FRZB: variants seen among roughly 807,000 people sequenced by gnomAD.
FRZB encodes the protein secreted frizzled-related protein 3.
In FRZB, 34 loss-of-function variants were observed where a neutral mutation model predicts 32.5. The ratio of observed to expected loss-of-function variants is 1.05; its 90% CI spans 0.80 to 1.39. FRZB has a LOEUF of 1.39. Ranked by LOEUF, FRZB falls within the 40% of genes most tolerant of loss-of-function variation. The pLI, the probability that FRZB is intolerant of heterozygous loss-of-function variation, is 0.00. For synonymous variants in FRZB, 170 were observed against 159.2 expected (o/e 1.07, Z -0.51); for missense variants, 423 against 424.8 (o/e 1.00, Z 0.04).
Position 182,858,850 on chromosome 2 carries a change from GA to G in FRZB, c.479-18del. Reference sequence around the variant, plus strand: ...TAGGAAAATCTGAAAGGAGGTGACAGAAAAAAGAACTATAACATATCTATTT... The same window carrying G: ...TAGGAAAATCTGAAAGGAGGTGACAGAAAAAGAACTATAACATATCTATTT... On this transcript the variant is annotated intron_variant, in intron 1 of 5. Transcript: ENST00000295113. The G allele has an allele frequency of 1.3e-6, 2 of 1,598,632 alleles. No homozygotes were observed. Among genetic ancestry groups the G allele is most frequent in the South Asian group, 1.1e-5 (1 of 90,658 alleles).
intron 1 of FRZB, among the ~76,000 whole-genome samples, chr2:182,860,012 A>T (rs965463606): frequency 6.6e-6 from 1 of 152,226 alleles, no homozygotes; most frequent in African/African-American, 2.4e-5. Context: ...ATACAAAAAT[A>T]ATGTCTTCAT....
chr2:182,852,093 G>A (rs1695716554), intron 2 of FRZB, among the ~76,000 whole-genome samples: 1 of 152,180 alleles, frequency 6.6e-6, no homozygotes, highest in Non-Finnish European at 1.5e-5. Context: ...AATAAGGTGT[G>A]GAAGTTGGCT....
intron 1 of FRZB, among the ~76,000 whole-genome samples, chr2:182,861,316 A>C (rs12476897): frequency 0.5 from 76,484 of 152,018 alleles, 19,747 homozygotes; most frequent in Non-Finnish European, 0.56. Flanking sequence ...CTTGGACAGT[A>C]ACTTAGCTTC....
chr2:182,866,119 C>A lies in FRZB; in HGVS notation c.434G>T (p.Gly145Val). 1 of 1,614,064 alleles carries A rather than the reference C, an allele frequency of 6.2e-7. No homozygotes were observed. The highest frequency in any genetic ancestry group is 8.5e-7 in the Non-Finnish European group (1 of 1,179,992). The change falls in exon 1 of 6, where the codon GGC becomes GTC. Residue 145 changes from glycine (G) to valine (V), a missense_variant. By Grantham distance (109) the Gly-to-Val change is moderately radical (BLOSUM62 -3). Coordinates refer to ENST00000295113, the MANE Select transcript of FRZB (RefSeq NM_001463.4). This position sits in a 1 kb window ranked among gnomAD's most constrained non-coding sequence, Gnocchi z 4.5. Reference protein sequence around the residue: ...ACEELPVYDRGVCISPEAIVT... With the variant: ...ACEELPVYDRVVCISPEAIVT... The stretch of plus-strand genomic sequence containing the variant: ...GATGGCCTCGGGAGAGATGCACACG[C>A]CCCTGTCGTACACTGGCAGCTCCTC...
At chr2:182,841,399 A>C (rs1282818096) in intron 3 of FRZB, among the ~76,000 whole-genome samples, 1 of 152,176 alleles carries the variant, frequency 6.6e-6, no homozygotes, top group Non-Finnish European at 1.5e-5. Context: ...TATAGAAGAA[A>C]TAAATCTGCT....
intron 3 of FRZB, among the ~76,000 whole-genome samples, chr2:182,842,124 G>A (rs1574983232): frequency 1.3e-5 from 2 of 152,170 alleles, no homozygotes; most frequent in South Asian, 4.1e-4. Context: ...TTCACTCAGT[G>A]AAGCACAACT....
chr2:182,836,401 G>A (rs1043157629), intron 5 of FRZB, among the ~76,000 whole-genome samples: 1 of 151,988 alleles, frequency 6.6e-6, no homozygotes, highest in Admixed American at 6.6e-5. Flanking sequence ...CTCAATATCT[G>A]CATATGAATT....
chr2:182,835,447 T>TG (rs140578593), intron 5 of FRZB, among the ~76,000 whole-genome samples: 10,109 of 151,706 alleles, frequency 0.067, 497 homozygotes, highest in African/African-American at 0.14. Context: ...TTTTGAGGGA[T>TG]GGGGGGGTCT....
At chr2:182,859,205 G>A (rs542817030) in intron 1 of FRZB, among the ~76,000 whole-genome samples, 32 of 151,266 alleles carry the variant, frequency 2.1e-4, no homozygotes, top group South Asian at 1.0e-3. Context: ...AAAACCAAAC[G>A]CATCTTCAAT....
chr2:182,858,797 C>T lies in FRZB; in HGVS notation c.515G>A (p.Gly172Glu), dbSNP rs1482129040. 3 of 1,610,498 alleles carry T rather than the reference C, an allele frequency of 1.9e-6. No homozygotes were observed. The highest frequency in any genetic ancestry group is 2.5e-6 in the Non-Finnish European group (3 of 1,177,700). The stretch of plus-strand genomic sequence containing the variant: ...AATGATATACTCACCACTGCTTGCC[C>T]CTCTACAGTTTCCGTTACTAGAATC... ...PMDSSNGNCR[G>E]ASSERCKCKP... is the part of the protein sequence containing the mutation. The change falls in exon 2 of 6, where the codon GGG (glycine) becomes GAG (glutamate). Residue 172 changes from glycine (G) to glutamate (E), a missense_variant. Transcript: ENST00000295113.
chr2:182,850,882 C>A (rs560151780), intron 2 of FRZB, among the ~76,000 whole-genome samples: 1 of 152,132 alleles, frequency 6.6e-6, no homozygotes, highest in Non-Finnish European at 1.5e-5. Flanking sequence ...TCCTCGCTAC[C>A]GTCTATTGTT....
chr2:182,855,746 C>T (rs1695761157), intron 2 of FRZB, among the ~76,000 whole-genome samples: 1 of 152,090 alleles, frequency 6.6e-6, no homozygotes, highest in African/African-American at 2.4e-5. Flanking sequence ...TTCCTAAGCA[C>T]TTCTCAAATT....
intron 2 of FRZB, among the ~76,000 whole-genome samples, chr2:182,847,938 G>A (rs1559048545): frequency 6.6e-6 from 1 of 152,094 alleles, no homozygotes; most frequent in South Asian, 2.1e-4. Flanking sequence ...AAGAGGAAGA[G>A]AAAGCAAAGA....
At chr2:182,863,226 A>G (rs943339225) in intron 1 of FRZB, among the ~76,000 whole-genome samples, 1 of 152,206 alleles carries the variant, frequency 6.6e-6, no homozygotes, top group African/African-American at 2.4e-5. Context: ...CTCCAAGCCT[A>G]TCCTCTTTAC....
Position 182,866,625 on chromosome 2 carries a change from C to T in FRZB, c.-73G>A. ...AGGCCCGCTCCGCCGTCTCCGCCTC[C>T]CCCGCTGCAAGTGGACACAAGGATC... On this transcript the variant is annotated 5_prime_UTR_variant, in exon 1 of 6. Coordinates refer to ENST00000295113, the MANE Select transcript of FRZB (RefSeq NM_001463.4). This position sits in a 1 kb window ranked among gnomAD's most constrained non-coding sequence, Gnocchi z 4.5. 1 of 1,098,118 alleles carries T rather than the reference C, an allele frequency of 9.1e-7. No individual in the cohort carries two copies. The highest frequency in any genetic ancestry group is 1.2e-6 in the Non-Finnish European group (1 of 803,426). 68.0% of individuals were successfully genotyped at this position (1,098,118 alleles called of 1,614,324 possible).
intron 2 of FRZB, among the ~76,000 whole-genome samples, chr2:182,851,793 A>G (rs1695713298): frequency 6.6e-6 from 1 of 152,202 alleles, no homozygotes; most frequent in Non-Finnish European, 1.5e-5. Context: ...TCACAACTAG[A>G]GTCATAAAAA....
chr2:182,843,926 G>A (rs866538128), intron 2 of FRZB, among the ~76,000 whole-genome samples: 8 of 149,080 alleles, frequency 5.4e-5, no homozygotes, highest in East Asian at 2.0e-4. Flanking sequence ...GTAAGACCCC[G>A]TCTCAAAAAA....
intron 2 of FRZB, among the ~76,000 whole-genome samples, chr2:182,850,991 T>C (rs144361858): frequency 1.9e-4 from 29 of 152,364 alleles, no homozygotes; most frequent in African/African-American, 6.5e-4. Flanking sequence ...TTTTTTCATA[T>C]ACCTGTTGGC....
chr2:182,842,308 A>G (rs1695594972), intron 3 of FRZB, among the ~76,000 whole-genome samples, 170 bp downstream of exon 3: 1 of 152,138 alleles, frequency 6.6e-6, no homozygotes, highest in Non-Finnish European at 1.5e-5. Context: ...CCCGTGTGAG[A>G]CATTTTAATT....
Sources: gnomAD v4.1 joint callset for allele counts (sites outside exome capture counted in the v4.1 genomes callset) on GRCh38, gnomAD v4.1.1 for gene constraint, Gnocchi (gnomAD v3.1) non-coding constraint, MANE v1.5 for transcripts, NCBI Gene and HGNC (gene_info 2026-07-23, HGNC 2026-07-21) for gene names.